The following TSPEAR variants were observed in gnomAD, a reference collection of about 807,000 sequenced individuals.
The protein encoded by TSPEAR is thrombospondin-type laminin G domain and EAR repeat-containing protein.
A neutral mutation model predicts 71.6 loss-of-function variants in TSPEAR; 69 were observed. The observed-to-expected ratio is 0.96, with a 90% CI of 0.79 to 1.18. TSPEAR has a LOEUF of 1.18. TSPEAR is among the 50% of genes most tolerant of loss of function. The probability of loss-of-function intolerance (pLI) is 0.00; values close to 1 mark genes in which losing one functional copy is unlikely to be tolerated. For missense variants in TSPEAR, 971 were observed against 894.9 expected, an observed-to-expected ratio of 1.09 and a Z score of -1.09; for synonymous variants, 402 against 387.2, an observed-to-expected ratio of 1.04 and a Z score of -0.45.
At chr21:44,558,650 G>C (rs782713383) in intron 2 of TSPEAR, 2 of 1,613,288 alleles carry the variant, frequency 1.2e-6, no homozygotes, top group East Asian at 2.2e-5. Context: ...AGCTCTCTGG[G>C]CAGGCGTCCA....
intron 1 of TSPEAR, among the ~76,000 whole-genome samples, chr21:44,631,465 C>T (rs1983253194): frequency 1.3e-5 from 2 of 152,074 alleles, no homozygotes; most frequent in Admixed American, 6.6e-5. Flanking sequence ...ACCTGTAATC[C>T]CAGCACTTTG....
At chr21:44,631,477 G>A (rs587726506) in intron 1 of TSPEAR, among the ~76,000 whole-genome samples, 1 of 152,330 alleles carries the variant, frequency 6.6e-6, no homozygotes, top group Admixed American at 6.5e-5. Context: ...AGCACTTTGG[G>A]AGGCTGAGGC....
chr21:44,698,349 A>G lies in TSPEAR; in HGVS notation c.82+13084T>C, dbSNP rs113165435. ...AGCCCGACAGGAGGCCAGGACACAG[A>G]TGCAGCCTCCTGGGGCCCTCGCGCC... On this transcript the variant is annotated intron_variant, in intron 1 of 11. Coordinates refer to ENST00000323084, the MANE Select transcript of TSPEAR (RefSeq NM_144991.3). Among the ~76,000 whole-genome samples, 625 of 152,290 alleles carry G rather than the reference A, an allele frequency of 4.1e-3. 6 individuals are homozygous for G. The highest frequency in any genetic ancestry group is 0.015 in the African/African-American group (607 of 41,562).
intron 1 of TSPEAR, among the ~76,000 whole-genome samples, chr21:44,674,915 A>G (rs1328325945): frequency 1.3e-5 from 2 of 151,992 alleles, no homozygotes; most frequent in Non-Finnish European, 1.5e-5. Context: ...ATAATGAATA[A>G]CCAGATTGAA....
rs1981793835 is a variant in TSPEAR, at chr21:44,612,728, T to G, written c.83-44723A>C. On this transcript the variant is annotated intron_variant, in intron 1 of 11. Coordinates refer to ENST00000323084, the MANE Select transcript of TSPEAR (RefSeq NM_144991.3). The surrounding 1 kb of genome is among the most constrained non-coding windows in gnomAD (Gnocchi z 4.1). The stretch of plus-strand genomic sequence containing the variant: ...CTGCTGCAGACCCTCCTCCTCCGTG[T>G]CCCTCCTCTGCCGCCCTGTGTGCCG... 1.9e-6 allele frequency: 3 copies of G among 1,613,302 alleles called. No homozygotes were observed. The highest frequency in any genetic ancestry group is 1.3e-5 in the African/African-American group (1 of 74,714).
At chr21:44,543,944 CA>C (rs1265125714) in intron 2 of TSPEAR, among the ~76,000 whole-genome samples, 1 of 152,100 alleles carries the variant, frequency 6.6e-6, no homozygotes, top group Non-Finnish European at 1.5e-5. Context: ...ACAGTCAATC[CA>C]AAAGCAGTAA....
At chr21:44,500,063 C>T (rs1426637672) in intron 11 of TSPEAR, 127 bp from the exon 12 acceptor site, 6 of 973,840 alleles carry the variant, frequency 6.2e-6, no homozygotes, top group African/African-American at 3.5e-5. Context: ...TCCATCCCCC[C>T]GACTGGCACA....
chr21:44,511,813 G>A (rs777144876), intron 9 of TSPEAR, among the ~76,000 whole-genome samples: 52 of 152,352 alleles, frequency 3.4e-4, no homozygotes, highest in Non-Finnish European at 6.5e-4. Flanking sequence ...CGGAGTGCCC[G>A]CCCTGTAGCA....
intron 1 of TSPEAR, among the ~76,000 whole-genome samples, chr21:44,594,406 C>T (rs1569208558): frequency 6.6e-6 from 1 of 152,174 alleles, no homozygotes; most frequent in Non-Finnish European, 1.5e-5. Context: ...GGGACCTGCA[C>T]ACTAGGGGAT....
intron 8 of TSPEAR, among the ~76,000 whole-genome samples, chr21:44,523,830 A>T (rs2052788641): frequency 3.3e-5 from 5 of 151,862 alleles, no homozygotes; most frequent in Admixed American, 3.3e-4. Context: ...TTAGTCAGGT[A>T]ATTAGGTAGT....
At chr21:44,651,802 T>C (rs2146250902) in intron 1 of TSPEAR, among the ~76,000 whole-genome samples, 1 of 152,272 alleles carries the variant, frequency 6.6e-6, no homozygotes, top group African/African-American at 2.4e-5. Context: ...GTGGACATCA[T>C]TGGCGACCAT....
intron 1 of TSPEAR, among the ~76,000 whole-genome samples, chr21:44,605,094 T>C (rs1981224492): frequency 6.6e-6 from 1 of 152,240 alleles, no homozygotes. Flanking sequence ...TTAGGACTGA[T>C]AAACAAATTT....
intron 1 of TSPEAR, among the ~76,000 whole-genome samples, chr21:44,681,215 C>T (rs1986567763): frequency 1.3e-5 from 2 of 152,178 alleles, no homozygotes; most frequent in South Asian, 2.1e-4. Context: ...TGAGATCCTC[C>T]GCGACCCGGG....
intron 2 of TSPEAR, among the ~76,000 whole-genome samples, chr21:44,555,008 T>A (rs1194326514): frequency 6.6e-6 from 1 of 152,154 alleles, no homozygotes; most frequent in East Asian, 1.9e-4. Flanking sequence ...AAAGGTAAAC[T>A]TAAAAGCTAT....
Position 44,627,739 on chromosome 21 carries a change from C to T in TSPEAR, c.83-59734G>A, listed in dbSNP as rs782140281. 1.3e-5 allele frequency: 20 copies of T among 1,594,992 alleles called. No individual in the cohort carries two copies. In the Admixed American group the frequency reaches 3.5e-4, roughly 28 times the overall value. ...CTACTGTGTGCCTGTCTGCTGTAAG[C>T]CTGTCTGCTGCAAACCCATCTGCTG... On this transcript the variant is annotated intron_variant, in intron 1 of 11. Coordinates refer to ENST00000323084, the MANE Select transcript of TSPEAR (RefSeq NM_144991.3).
intron 5 of TSPEAR, among the ~76,000 whole-genome samples, chr21:44,529,085 G>A (rs1008573455): frequency 2.0e-5 from 3 of 152,196 alleles, no homozygotes; most frequent in South Asian, 2.1e-4. Context: ...GCTGGCCAGC[G>A]GTGTGACACA....
intron 2 of TSPEAR, among the ~76,000 whole-genome samples, chr21:44,535,345 G>C (rs150265086): frequency 1.1e-4 from 16 of 152,176 alleles, no homozygotes; most frequent in African/African-American, 3.9e-4. Context: ...CAAAGCACTT[G>C]ATTATACTTA....
chr21:44,647,338 A>C (rs782720110), intron 1 of TSPEAR: 30 of 1,613,598 alleles, frequency 1.9e-5, no homozygotes, highest in Non-Finnish European at 2.4e-5. Context: ...CTGCTCAGGC[A>C]AGAAGTCCAG....
At chr21:44,634,131 C>A (rs1480600136) in intron 1 of TSPEAR, among the ~76,000 whole-genome samples, 1 of 152,126 alleles carries the variant, frequency 6.6e-6, no homozygotes, top group Non-Finnish European at 1.5e-5. Context: ...CACCTGTAGT[C>A]CCAGCTACCT....
Sources: allele counts gnomAD v4.1 joint callset (sites outside exome capture counted in the v4.1 genomes callset), GRCh38; gene constraint gnomAD v4.1.1; non-coding constraint Gnocchi (gnomAD v3.1); transcripts MANE v1.5; gene names NCBI Gene and HGNC (gene_info 2026-07-23, HGNC 2026-07-21).